Variants in RIPOR1 observed in about 807,000 individuals in gnomAD.
The protein encoded by RIPOR1 is RHO family interacting cell polarization regulator 1.
A neutral mutation model predicts 116.5 loss-of-function variants in RIPOR1; 58 were observed. The observed-to-expected ratio is 0.50, with a 90% CI of 0.40 to 0.62. The LOEUF is 0.62. Ranked by LOEUF, RIPOR1 falls within the 20% of genes least tolerant of loss-of-function variation. The pLI is 0.00. For missense variants in RIPOR1, 1,372 were observed against 1,586.2 expected, an observed-to-expected ratio of 0.86 and a Z score of 2.29; for synonymous variants, 605 against 650.0, an observed-to-expected ratio of 0.93 and a Z score of 1.05.
chr16:67,542,586 C>G lies in RIPOR1; in HGVS notation c.1800C>G (p.Ser600Arg). The change falls in exon 13 of 22, where the codon AGC becomes AGG. Residue 600 changes from serine (S) to arginine (R), a missense_variant. Transcript: ENST00000042381. The surrounding 1 kb of genome is among the most constrained non-coding windows in gnomAD (Gnocchi z 4.6). ...NIIGPVQTTT[S>R]PTHTMPSPTH... is the part of the protein sequence containing the mutation. The stretch of plus-strand genomic sequence containing the variant: ...TAGGCCCAGTCCAGACTACCACAAG[C>G]CCCACCCACACTATGCCAAGCCCTA... The G allele has an allele frequency of 6.2e-7, 1 of 1,613,864 alleles. No homozygotes were observed. Among genetic ancestry groups the G allele is most frequent in the South Asian group, 1.1e-5 (1 of 91,072 alleles).
chr16:67,538,308 C>G, intron 1 of RIPOR1, 116 bp from the exon 2 acceptor site: 2 of 1,386,782 alleles, frequency 1.4e-6, no homozygotes, highest in Non-Finnish European at 1.9e-6. Context: ...GGCCGGAGCC[C>G]GCTGGGGCAG....
In RIPOR1 at chr16:67,541,920, A is replaced by G; in HGVS notation, c.1134A>G (p.Ser378=). The part of the protein sequence containing the change: ...ELENGTAWSL[S]SESSDDSSSP... Reference sequence around the variant, plus strand: ...AGAATGGGACAGCATGGTCCCTGTCATCTGAATCTTCAGACGACTCATCCA... The same window carrying G: ...AGAATGGGACAGCATGGTCCCTGTCGTCTGAATCTTCAGACGACTCATCCA... The change falls in exon 13 of 22, where the codon TCA becomes TCG. Residue 378 remains serine (S), a synonymous_variant. Coordinates refer to ENST00000042381, the MANE Select transcript of RIPOR1 (RefSeq NM_024519.4). This position sits in a 1 kb window ranked among gnomAD's most constrained non-coding sequence, Gnocchi z 4.6. 6.2e-7 allele frequency: 1 copy of G among 1,612,118 alleles called. No homozygotes were observed. Among genetic ancestry groups the G allele is most frequent in the Non-Finnish European group, 8.5e-7 (1 of 1,179,204 alleles).
rs746222174 is a variant in RIPOR1 at position 67,541,969 on chromosome 16, C to T, written c.1183C>T (p.Arg395Cys). The stretch of plus-strand genomic sequence containing the variant: ...CAGCCCACAGCTCTCAGGCACTGCC[C>T]GCCACTCACCAGCCCCTAGGCCCCT... Reference protein sequence around the residue: ...SSSPQLSGTARHSPAPRPLVQ... With the variant: ...SSSPQLSGTACHSPAPRPLVQ... The change falls in exon 13 of 22, where the codon CGC (arginine) becomes TGC (cysteine). Residue 395 changes from arginine (R) to cysteine (C), a missense_variant. Arg to Cys is a radical substitution (Grantham distance 180, BLOSUM62 -3). Coordinates refer to ENST00000042381, the MANE Select transcript of RIPOR1 (RefSeq NM_024519.4). The surrounding 1 kb of genome is among the most constrained non-coding windows in gnomAD (Gnocchi z 4.6). The T allele has an allele frequency of 1.2e-5, 19 of 1,612,264 alleles. No homozygotes were observed. Among genetic ancestry groups the T allele is most frequent in the South Asian group, 2.2e-5 (2 of 91,066 alleles).
Position 67,544,154 on chromosome 16 carries a change from A to G in RIPOR1, c.2601-145A>G. On this transcript the variant is annotated intron_variant, in intron 14 of 21. Transcript: ENST00000042381. This position sits in a 1 kb window ranked among gnomAD's most constrained non-coding sequence, Gnocchi z 5.1. Reference sequence around the variant, plus strand: ...GGTCCCAGCCCCTTCCTCCTTCTGGAAATCCTCCATGAACTTACCCCACTG... The same window carrying G: ...GGTCCCAGCCCCTTCCTCCTTCTGGGAATCCTCCATGAACTTACCCCACTG... 9.4e-7 allele frequency: 1 copy of G among 1,061,072 alleles called. No individual in the cohort carries two copies. Among genetic ancestry groups the G allele is most frequent in the Non-Finnish European group, 1.3e-6 (1 of 753,280 alleles). 65.7% of individuals were successfully genotyped at this position (1,061,072 alleles called of 1,614,324 possible). A position where few individuals can be genotyped will look rare whatever the true frequency, so the allele number is the denominator to read the frequency against.
Position 67,545,577 on chromosome 16 carries a change from G to C in RIPOR1, c.3190+43G>C. Reference sequence around the variant, plus strand: ...ATCACATAGTGGCCTCTTGGGGTCTGAGGACATGAGGACAAGCCCTCCCCA... The same window carrying C: ...ATCACATAGTGGCCTCTTGGGGTCTCAGGACATGAGGACAAGCCCTCCCCA... On this transcript the variant is annotated intron_variant, in intron 18 of 21. Coordinates refer to ENST00000042381, the MANE Select transcript of RIPOR1 (RefSeq NM_024519.4). The surrounding 1 kb of genome is among the most constrained non-coding windows in gnomAD (Gnocchi z 4.8). 6.2e-7 allele frequency: 1 copy of C among 1,604,842 alleles called. No individual in the cohort carries two copies. Among genetic ancestry groups the C allele is most frequent in the Non-Finnish European group, 8.5e-7 (1 of 1,173,964 alleles).
chr16:67,539,889 A>C lies in RIPOR1; in HGVS notation c.404A>C (p.His135Pro). The C allele has an allele frequency of 6.2e-7, 1 of 1,614,192 alleles. No individual in the cohort carries two copies. The highest frequency in any genetic ancestry group is 8.5e-7 in the Non-Finnish European group (1 of 1,180,018). The change falls in exon 6 of 22, where the codon CAT (histidine) becomes CCT (proline). Residue 135 changes from histidine (H) to proline (P), a missense_variant. By Grantham distance (77) the His-to-Pro change is moderately conservative. Transcript: ENST00000042381. ...CGCTTCCTGCGACGACTGGAGTTCC[A>C]TGCCAGCAAGGTACGAGTGCAGCAT... ...IERFLRRLEF[H>P]ASKIDELYEA...
Position 67,540,055 on chromosome 16 carries a change from C to A in RIPOR1, c.417C>A (p.Ile139=). 6.2e-7 allele frequency: 1 copy of A among 1,614,114 alleles called. No individual in the cohort carries two copies. The highest frequency in any genetic ancestry group is 8.5e-7 in the Non-Finnish European group (1 of 1,180,016). Residue 139 remains isoleucine, a splice_region_variant and synonymous_variant, in exon 7 of 22, where the codon ATC becomes ATA. Transcript: ENST00000042381. This position sits in a 1 kb window ranked among gnomAD's most constrained non-coding sequence, Gnocchi z 4.7. ...TGTCACCCCACTCACCTTCCCAGAT[C>A]GATGAGCTGTATGAGGCATACTGTG... ...LRRLEFHASK[I]DELYEAYCVQ...
chr16:67,527,699 A>T (rs2142402061), upstream of RIPOR1, among the ~76,000 whole-genome samples: 1 of 152,090 alleles, frequency 6.6e-6, no homozygotes. Flanking sequence ...ACATGGTGAA[A>T]CCCCATCTCT....
chr16:67,546,523 C>G lies in RIPOR1; in HGVS notation c.*60C>G. 1 of 1,432,354 alleles carries G rather than the reference C, an allele frequency of 7.0e-7. No homozygotes were observed. Among genetic ancestry groups the G allele is most frequent in the East Asian group, 2.3e-5 (1 of 43,556 alleles). The allele number at this position is 1,432,354 out of a possible 1,614,324, so 88.7% of individuals were successfully genotyped here. On this transcript the variant is annotated 3_prime_UTR_variant, in exon 22 of 22. Transcript: ENST00000042381. ...CCCCACTTTCAGGGCTCACCAGGCA[C>G]TGGCAGGGAGGGTAAGGGCTGGCTC...
Position 67,540,237 on chromosome 16 carries a change from C to G in RIPOR1, c.567+32C>G. Reference sequence around the variant, plus strand: ...GATGGGGGCCCATGAGGCAGAGGCACAGGGTGTGGCAGGGCTAGTGGCTGG... The same window carrying G: ...GATGGGGGCCCATGAGGCAGAGGCAGAGGGTGTGGCAGGGCTAGTGGCTGG... On this transcript the variant is annotated intron_variant, in intron 7 of 21. Coordinates refer to ENST00000042381, the MANE Select transcript of RIPOR1 (RefSeq NM_024519.4). The surrounding 1 kb of genome is among the most constrained non-coding windows in gnomAD (Gnocchi z 4.7). 1 of 1,613,736 alleles carries G rather than the reference C, an allele frequency of 6.2e-7. No homozygotes were observed. Among genetic ancestry groups the G allele is most frequent in the Non-Finnish European group, 8.5e-7 (1 of 1,179,802 alleles).
In RIPOR1 at chr16:67,543,611, C is replaced by T. The variant is rs760628716; in HGVS notation, c.2600+142C>T. 9.9e-6 allele frequency: 12 copies of T among 1,216,058 alleles called. No homozygotes were observed. Among genetic ancestry groups the T allele is most frequent in the Non-Finnish European group, 1.4e-5 (12 of 873,646 alleles). The allele number at this position is 1,216,058 out of a possible 1,614,324, so 75.3% of individuals were successfully genotyped here. On this transcript the variant is annotated intron_variant, in intron 14 of 21. Coordinates refer to ENST00000042381, the MANE Select transcript of RIPOR1 (RefSeq NM_024519.4). The surrounding 1 kb of genome is among the most constrained non-coding windows in gnomAD (Gnocchi z 4.7). The stretch of plus-strand genomic sequence containing the variant: ...CAGGGCCAGGTGGAGCATGTGAGGA[C>T]TGAGTTGCTGGCAGGTGCACCTGTG...
At position 67,545,416 on chromosome 16, in the gene RIPOR1, G is replaced by C. The variant is rs147518611; in HGVS notation, c.3072G>C (p.Leu1024=). ...KFLEDALGQK[L]PRRPQPGPGE... ...TGGAGGATGCCCTGGGGCAGAAGCT[G>C]CCCAGAAGGCCCCAGCCAGGGCCTG... Residue 1024 remains leucine (L), a synonymous_variant, in exon 18 of 22, where the codon CTG becomes CTC. Transcript: ENST00000042381. This position sits in a 1 kb window ranked among gnomAD's most constrained non-coding sequence, Gnocchi z 4.8. 1.9e-6 allele frequency: 3 copies of C among 1,613,968 alleles called. No individual in the cohort carries two copies. The South Asian group carries it at 3.3e-5, about 18-fold the overall frequency.
In RIPOR1 at chr16:67,544,345, C is replaced by G; in HGVS notation, c.2647C>G (p.Pro883Ala). ...EAGAEDSIDSPSARPLSTGCP... is the reference protein window; with the variant it reads ...EAGAEDSIDSASARPLSTGCP... ...TGGGGCTGAGGACAGCATAGACTCA[C>G]CCAGTGCCCGCCCCCTCAGCACGGG... is the stretch of plus-strand genomic sequence containing the variant. Residue 883 changes from proline to alanine, a missense_variant, in exon 15 of 22, where the codon CCC becomes GCC. Physicochemically the swap from Pro to Ala is conservative, Grantham distance 27. Coordinates refer to ENST00000042381, the MANE Select transcript of RIPOR1 (RefSeq NM_024519.4). The surrounding 1 kb of genome is among the most constrained non-coding windows in gnomAD (Gnocchi z 5.1). The G allele has an allele frequency of 6.2e-7, 1 of 1,613,404 alleles. No homozygotes were observed. Among genetic ancestry groups the G allele is most frequent in the Non-Finnish European group, 8.5e-7 (1 of 1,179,818 alleles).
At position 67,531,680 on chromosome 16, in the gene RIPOR1, G is replaced by T. The variant is rs1567562527; in HGVS notation, c.-24+2766G>T. 1 of 448,956 alleles carries T rather than the reference G, an allele frequency of 2.2e-6. No homozygotes were observed. Among genetic ancestry groups the T allele is most frequent in the Non-Finnish European group, 4.5e-6 (1 of 223,434 alleles). The allele number at this position is 448,956 out of a possible 1,614,324, so 27.8% of individuals were successfully genotyped here. ...TGGAACAGAGAAAGCAGGGGACTGG[G>T]AGGAGAGGAGTGGTTGAAAGAATGT... On this transcript the variant is annotated intron_variant, in intron 1 of 21. Transcript: ENST00000042381. The surrounding 1 kb of genome is among the most constrained non-coding windows in gnomAD (Gnocchi z 4.2).
rs1231674690 is a variant in RIPOR1 at position 67,531,301 on chromosome 16, C to A, written c.-24+2387C>A. ...AGGACCTGCTGTTCCTGTGTCTAGG[C>A]AGCCCAGCTTCCCCCACTGTTCCCC... On this transcript the variant is annotated intron_variant, in intron 1 of 21. Transcript: ENST00000042381. This position sits in a 1 kb window ranked among gnomAD's most constrained non-coding sequence, Gnocchi z 4.2. Among the ~76,000 whole-genome samples, 1 of 152,056 alleles carries A rather than the reference C, an allele frequency of 6.6e-6. No individual in the cohort carries two copies. Among genetic ancestry groups the A allele is most frequent in the Non-Finnish European group, 1.5e-5 (1 of 68,004 alleles).
At chr16:67,519,289 AAAAAAACACTTCAG>A (rs945321981) in intron 1 of RIPOR1, among the ~76,000 whole-genome samples, 14 of 151,980 alleles carry the variant, frequency 9.2e-5, no homozygotes, top group African/African-American at 3.1e-4. Flanking sequence ...CAAAAAAAAA[AAAAAAACACTTCAG>A]GGCCCACCCT....
chr16:67,528,085 A>C (rs1052003057), upstream of RIPOR1, among the ~76,000 whole-genome samples: 1 of 151,920 alleles, frequency 6.6e-6, no homozygotes, highest in Non-Finnish European at 1.5e-5. Context: ...GATTGATGGG[A>C]GGAGCGGGGG....
In RIPOR1 at chr16:67,543,383, T is replaced by G. The variant is rs747174177; in HGVS notation, c.2514T>G (p.Ser838Arg). 1.4e-5 allele frequency: 23 copies of G among 1,598,558 alleles called. No individual in the cohort carries two copies. The highest frequency in any genetic ancestry group is 1.7e-4 in the Middle Eastern group (1 of 6,058). ...GTCTGACTCGCAGCCGGGCCTCCAGTCTCAGCATCACTGTGGAGCATGCCT... is the reference window on the plus strand; with the variant it reads ...GTCTGACTCGCAGCCGGGCCTCCAGGCTCAGCATCACTGTGGAGCATGCCT... Reference protein sequence around the residue: ...RQGLTRSRASSLSITVEHALE... With the variant: ...RQGLTRSRASRLSITVEHALE... The change falls in exon 14 of 22, where the codon AGT becomes AGG. Residue 838 changes from serine (S) to arginine (R), a missense_variant. Physicochemically the swap from Ser to Arg is moderately radical, Grantham distance 110 (BLOSUM62 -1). Transcript: ENST00000042381. This position sits in a 1 kb window ranked among gnomAD's most constrained non-coding sequence, Gnocchi z 4.7.
In RIPOR1 at chr16:67,545,261, G is replaced by C; in HGVS notation, c.3032-115G>C. The C allele has an allele frequency of 1.3e-6, 2 of 1,516,868 alleles. No homozygotes were observed. The highest frequency in any genetic ancestry group is 1.8e-6 in the Non-Finnish European group (2 of 1,118,958). 94.0% of individuals were successfully genotyped at this position (1,516,868 alleles called of 1,614,324 possible). A position where few individuals can be genotyped will look rare whatever the true frequency, so the allele number is the denominator to read the frequency against. On this transcript the variant is annotated intron_variant, in intron 17 of 21. Transcript: ENST00000042381. This position sits in a 1 kb window ranked among gnomAD's most constrained non-coding sequence, Gnocchi z 4.8. Reference sequence around the variant, plus strand: ...TTGGGCCTTAGAGCAGAAGGACCCAGATGGGTGGGGTTTGAACAGGGGGCC... The same window carrying C: ...TTGGGCCTTAGAGCAGAAGGACCCACATGGGTGGGGTTTGAACAGGGGGCC...
Sources: allele counts gnomAD v4.1 joint callset (sites outside exome capture counted in the v4.1 genomes callset), GRCh38; gene constraint gnomAD v4.1.1; non-coding constraint Gnocchi (gnomAD v3.1); transcripts MANE v1.5; gene names NCBI Gene and HGNC (gene_info 2026-07-23, HGNC 2026-07-21).